ALG12: variants seen among roughly 807,000 people sequenced by gnomAD.
ALG12 encodes the protein ALG12 alpha-1,6-mannosyltransferase.
ALG12 carries 36 observed loss-of-function variants against 46.0 expected under a neutral mutation model. The ratio of observed to expected loss-of-function variants is 0.78; its 90% CI spans 0.60 to 1.03. ALG12 has a LOEUF of 1.03. Ranked by LOEUF, ALG12 falls within the 50% of genes least tolerant of loss-of-function variation. The pLI, the probability that ALG12 is intolerant of heterozygous loss-of-function variation, is 0.00. For missense variants in ALG12, 599 were observed against 633.5 expected (o/e 0.95, Z 0.58); for synonymous variants, 326 against 291.6 (o/e 1.12, Z -1.20).
In ALG12 at chr22:49,905,991, G is replaced by C. The variant is rs2060539985; in HGVS notation, c.993-1485C>G. On this transcript the variant is annotated intron_variant, in intron 7 of 9. Transcript: ENST00000330817. This position sits in a 1 kb window ranked among gnomAD's most constrained non-coding sequence, Gnocchi z 4.9. Reference sequence around the variant, plus strand: ...ACCCCCAGGACTGTCTCAAGGCCCTGGGCCCTGACACCGTGGGAAACGGCC... The same window carrying C: ...ACCCCCAGGACTGTCTCAAGGCCCTCGGCCCTGACACCGTGGGAAACGGCC... 6.6e-6 allele frequency among the ~76,000 whole-genome samples: 1 copy of C among 152,138 alleles called. No individual in the cohort carries two copies. Among genetic ancestry groups the C allele is most frequent in the African/African-American group, 2.4e-5 (1 of 41,426 alleles).
chr22:49,894,419 A>T, the ALG12 span, among the ~76,000 whole-genome samples: 1 of 152,194 alleles, frequency 6.6e-6, no homozygotes, highest in African/African-American at 2.4e-5. Context: ...GATAGACAAA[A>T]CCCAGCTATG....
At position 49,904,161 on chromosome 22, in the gene ALG12, G is replaced by C. The variant is rs753109798; in HGVS notation, c.1238+18C>G. On this transcript the variant is annotated intron_variant, in intron 9 of 9. Coordinates refer to ENST00000330817, the MANE Select transcript of ALG12 (RefSeq NM_024105.4). ...CTCACATGGCCTCTGGGAGGGCCGT[G>C]CTGTGTGTGGATCCTACCTCCAGGC... is the stretch of plus-strand genomic sequence containing the variant. 3 of 1,614,204 alleles carry C rather than the reference G, an allele frequency of 1.9e-6. No homozygotes were observed. Among genetic ancestry groups the C allele is most frequent in the Non-Finnish European group, 2.5e-6 (3 of 1,179,996 alleles).
the ALG12 span, among the ~76,000 whole-genome samples, chr22:49,864,186 C>T: frequency 1.3e-5 from 2 of 152,210 alleles, no homozygotes; most frequent in East Asian, 1.9e-4. Flanking sequence ...AGGGCGTTCA[C>T]ATGGGTGTGC....
the ALG12 span, among the ~76,000 whole-genome samples, chr22:49,890,410 G>A: frequency 2.6e-5 from 4 of 152,318 alleles, no homozygotes; most frequent in South Asian, 6.2e-4. Flanking sequence ...CAGCCATTTA[G>A]TCCACCTCTA....
chr22:49,909,802 A>G (rs917497191), intron 5 of ALG12, 92 bp downstream of exon 5: 7 of 1,521,120 alleles, frequency 4.6e-6, no homozygotes, highest in Non-Finnish European at 6.4e-6. Flanking sequence ...ATTTTATTTC[A>G]TGGGGATGAA....
At position 49,913,652 on chromosome 22, in the gene ALG12, G is replaced by A. The variant is rs1457810238; in HGVS notation, c.114C>T (p.Asn38=). The A allele has an allele frequency of 2.5e-6, 4 of 1,614,168 alleles. No individual in the cohort carries two copies. The highest frequency in any genetic ancestry group is 3.4e-6 in the Non-Finnish European group (4 of 1,180,042). The change falls in exon 2 of 10, where the codon AAC becomes AAT. Residue 38 remains asparagine, a synonymous_variant. Transcript: ENST00000330817. ...AGAGCAGGTCATGTGTGGCCTGCAG[G>A]TTGAAGCTCTCCTCCACTTTGGTGT... The part of the protein sequence containing the change: ...CPYTKVEESF[N]LQATHDLLYH...
rs1302234078 is a variant in ALG12 at position 49,903,525 on chromosome 22, T to C, written c.*313A>G. On this transcript the variant is annotated 3_prime_UTR_variant, in exon 10 of 10. Transcript: ENST00000330817. ...ACAGGTGCCTGGGTGAGCCCGCTGC[T>C]CCTGATTAGTCATGAATGGCACCTG... 1.8e-6 allele frequency: 1 copy of C among 554,444 alleles called. No homozygotes were observed. Among genetic ancestry groups the C allele is most frequent in the Admixed American group, 2.2e-5 (1 of 45,260 alleles). The allele number at this position is 554,444 out of a possible 1,614,324, so 34.3% of individuals were successfully genotyped here.
At chr22:49,869,724 C>T in the ALG12 span, among the ~76,000 whole-genome samples, 1 of 152,196 alleles carries the variant, frequency 6.6e-6, no homozygotes, top group Non-Finnish European at 1.5e-5. Flanking sequence ...CCTGTGCACG[C>T]ATCCCCAGCT....
the ALG12 span, among the ~76,000 whole-genome samples, chr22:49,876,053 A>G: frequency 2.6e-5 from 4 of 151,790 alleles, no homozygotes; most frequent in African/African-American, 9.7e-5. Context: ...TACTGCGTGT[A>G]ATATAAAAGT....
chr22:49,910,670 C>T (rs1033107904), intron 3 of ALG12, 63 bp from the exon 4 acceptor site: 26 of 1,586,474 alleles, frequency 1.6e-5, no homozygotes, highest in South Asian at 4.4e-5. Flanking sequence ...GGGCCCCCTA[C>T]GTGGGTCCTT....
chr22:49,902,989 GGT>G lies in ALG12; in HGVS notation c.*847_*848del, dbSNP rs1024901325. 10 of 331,498 alleles carry G rather than the reference GGT, an allele frequency of 3.0e-5. No homozygotes were observed. Among genetic ancestry groups the G allele is most frequent in the African/African-American group, 4.4e-5 (2 of 45,338 alleles). 20.5% of individuals were successfully genotyped at this position (331,498 alleles called of 1,614,324 possible). ...GTGTGCACTGTGTGCATGCGTGTGT[GGT>G]GTGTGTGCATGTATGCATGGTGTGT... On this transcript the variant is annotated 3_prime_UTR_variant, in exon 10 of 10. Transcript: ENST00000330817.
the ALG12 span, chr22:49,884,250 G>A: frequency 2.2e-3 from 3,507 of 1,604,654 alleles, 119 homozygotes; most frequent in East Asian, 0.07. Flanking sequence ...CTGCGGACGC[G>A]GGTGACCTCA....
chr22:49,868,412 T>A, the ALG12 span, among the ~76,000 whole-genome samples: 1 of 152,068 alleles, frequency 6.6e-6, no homozygotes, highest in Non-Finnish European at 1.5e-5. Context: ...AAACCCCATC[T>A]CCACAAAAAA....
At chr22:49,882,903 G>C in the ALG12 span, among the ~76,000 whole-genome samples, 2 of 152,232 alleles carry the variant, frequency 1.3e-5, no homozygotes, top group Non-Finnish European at 1.5e-5. Flanking sequence ...TCACACGTTA[G>C]CTAGAGTTTT....
At chr22:49,878,426 C>T in the ALG12 span, among the ~76,000 whole-genome samples, 301 of 151,474 alleles carry the variant, frequency 2.0e-3, 2 homozygotes, top group Middle Eastern at 0.014. Flanking sequence ...ATTGGTGGAG[C>T]GATAGAGAAT....
In ALG12 at chr22:49,910,077, G is replaced by C. The variant is rs764342631; in HGVS notation, c.481C>G (p.Leu161Val). ...VLALPVVLLALAAWLRHEWAR... is the reference protein window; with the variant it reads ...VLALPVVLLAVAAWLRHEWAR... ...CACTCGTGCCGCAGCCAGGCCGCGA[G>C]GGCCAGCAGGACTGCAAGACAGTGC... The change falls in exon 5 of 10, where the codon CTC becomes GTC. Residue 161 changes from leucine to valine, a missense_variant. By Grantham distance (32) the Leu-to-Val change is conservative. Transcript: ENST00000330817. 1.9e-6 allele frequency: 3 copies of C among 1,608,226 alleles called. No individual in the cohort carries two copies. The highest frequency in any genetic ancestry group is 1.7e-5 in the Admixed American group (1 of 59,262).
chr22:49,897,957 C>A (rs2060490245), downstream of ALG12, among the ~76,000 whole-genome samples: 1 of 152,018 alleles, frequency 6.6e-6, no homozygotes, highest in African/African-American at 2.4e-5. Context: ...CCACGTCCGG[C>A]CTCAATCACA....
At chr22:49,866,416 C>A in the ALG12 span, among the ~76,000 whole-genome samples, 6 of 151,750 alleles carry the variant, frequency 4.0e-5, no homozygotes, top group Admixed American at 3.3e-4. Context: ...TTGTGTTTCC[C>A]TTTCATTTAT....
the ALG12 span, among the ~76,000 whole-genome samples, chr22:49,864,647 T>C: frequency 6.6e-6 from 1 of 151,664 alleles, no homozygotes; most frequent in East Asian, 1.9e-4. Flanking sequence ...TGAGACCCCC[T>C]CTCTACAAAA....
Sources: allele counts gnomAD v4.1 joint callset (sites outside exome capture counted in the v4.1 genomes callset), GRCh38; gene constraint gnomAD v4.1.1; non-coding constraint Gnocchi (gnomAD v3.1); transcripts MANE v1.5; gene names NCBI Gene and HGNC (gene_info 2026-07-23, HGNC 2026-07-21).